Variants in SEC24D observed in about 807,000 individuals in gnomAD.
SEC24D encodes SEC24 homolog D, COPII component, also known as protein transport protein Sec24D.
SEC24D carries 69 observed loss-of-function variants against 116.9 expected under a neutral mutation model. That is an observed-to-expected ratio of 0.59 (90% CI 0.49 to 0.72). The LOEUF is 0.72. Among genes scored for constraint, SEC24D ranks in the 30% least tolerant of loss-of-function variants. The probability of loss-of-function intolerance (pLI) is 0.00; values close to 1 mark genes in which losing one functional copy is unlikely to be tolerated. For missense variants in SEC24D, 1,131 were observed against 1,264.1 expected (o/e 0.89, Z 1.60); for synonymous variants, 405 against 442.8 (o/e 0.91, Z 1.07).
intron 8 of SEC24D, among the ~76,000 whole-genome samples, chr4:118,786,983 T>C (rs1158106096): frequency 6.6e-6 from 1 of 152,236 alleles, no homozygotes; most frequent in Non-Finnish European, 1.5e-5. Flanking sequence ...GCTTGGTGCA[T>C]TTAGCTTCTA....
At chr4:118,762,481 T>C (rs1291577657) in intron 10 of SEC24D, among the ~76,000 whole-genome samples, 6 of 152,196 alleles carry the variant, frequency 3.9e-5, no homozygotes, top group Admixed American at 3.9e-4. Context: ...GCCTACAGCT[T>C]GGCACATGGT....
intron 8 of SEC24D, among the ~76,000 whole-genome samples, chr4:118,769,107 A>C (rs1021427029): frequency 6.6e-6 from 1 of 152,228 alleles, no homozygotes; most frequent in African/African-American, 2.4e-5. Flanking sequence ...AAATGCAGCT[A>C]TTTGAAGAAA....
Position 118,731,325 on chromosome 4 carries a change from G to A in SEC24D, c.2859C>T (p.Asn953=). ...TGAAAATAATACTTACCATATCTGTGTTGATATGTGCAAAAGATGGCACAT... is the reference window on the plus strand; with the variant it reads ...TGAAAATAATACTTACCATATCTGTATTGATATGTGCAAAAGATGGCACAT... ...IFNVPSFAHI[N]TDMTLLPEVG... Residue 953 remains asparagine (N), a synonymous_variant, in exon 21 of 23, where the codon AAC becomes AAT. Transcript: ENST00000280551. 6.2e-7 allele frequency: 1 copy of A among 1,609,384 alleles called. No homozygotes were observed. Among genetic ancestry groups the A allele is most frequent in the Non-Finnish European group, 8.5e-7 (1 of 1,175,750 alleles).
At chr4:118,831,014 A>T (rs12643205) in intron 2 of SEC24D, among the ~76,000 whole-genome samples, 51,127 of 151,924 alleles carry the variant, frequency 0.34, 10,067 homozygotes, top group East Asian at 0.55. Context: ...GATAAAAAGG[A>T]GGGAGAGGTT....
At chr4:118,778,163 A>C (rs555113603) in intron 8 of SEC24D, among the ~76,000 whole-genome samples, 1 of 152,242 alleles carries the variant, frequency 6.6e-6, no homozygotes, top group South Asian at 2.1e-4. Context: ...TTGGTGTTTT[A>C]GACATGAAGT....
intron 19 of SEC24D, among the ~76,000 whole-genome samples, chr4:118,737,593 G>A (rs1726025060): frequency 6.6e-6 from 1 of 152,090 alleles, no homozygotes; most frequent in Admixed American, 6.5e-5. Context: ...TCACATATTT[G>A]ATACACAGCT....
intron 14 of SEC24D, among the ~76,000 whole-genome samples, chr4:118,744,730 C>T (rs1469367820): frequency 6.6e-6 from 1 of 152,140 alleles, no homozygotes; most frequent in Non-Finnish European, 1.5e-5. Flanking sequence ...CAGCCTGGGG[C>T]CTTATTTTAA....
chr4:118,819,962 C>T (rs1268529347), intron 3 of SEC24D, among the ~76,000 whole-genome samples: 5 of 152,042 alleles, frequency 3.3e-5, no homozygotes, highest in African/African-American at 1.2e-4. Flanking sequence ...TAACATATAC[C>T]CCAGGAGTTA....
rs1429964615 is a variant in SEC24D, at chr4:118,752,840, A to G, written c.1470T>C (p.Tyr490=). 5.0e-6 allele frequency: 8 copies of G among 1,607,580 alleles called. No individual in the cohort carries two copies. Among genetic ancestry groups the G allele is most frequent in the Non-Finnish European group, 6.8e-6 (8 of 1,177,964 alleles). The change falls in exon 12 of 23, where the codon TAT becomes TAC. Residue 490 remains tyrosine (Y), a synonymous_variant. Transcript: ENST00000280551. ...TSAIRVGFIT[Y]NKVLHFFNVK... is the part of the protein sequence containing the mutation. ...CATTAAAGAAATGGAGAACTTTGTT[A>G]TATGTGATAAAACCCACTCGAATTG...
At chr4:118,780,907 C>CTTTTTTTTTTTTTTTTTTT (rs143712578) in intron 8 of SEC24D, among the ~76,000 whole-genome samples, 22 of 61,882 alleles carry the variant, frequency 3.6e-4, no homozygotes, top group African/African-American at 4.9e-4. Flanking sequence ...GCAACCCCTG[C>CTTTTTTTTTTTTTTTTTTT]TTTTTTTTTT....
intron 6 of SEC24D, among the ~76,000 whole-genome samples, chr4:118,812,218 A>C (rs961317097): frequency 6.6e-6 from 1 of 152,176 alleles, no homozygotes; most frequent in Non-Finnish European, 1.5e-5. Flanking sequence ...TGATGGGCAG[A>C]GTGGTGGCCC....
intron 19 of SEC24D, among the ~76,000 whole-genome samples, chr4:118,734,213 T>TTTTTTA (rs1158716431): frequency 6.6e-6 from 1 of 151,104 alleles, no homozygotes; most frequent in African/African-American, 2.4e-5. Context: ...GCTTTCTCTC[T>TTTTTTA]TTTTTATTTT....
rs748910852 is a variant in SEC24D at position 118,752,796 on chromosome 4, T to C, written c.1514A>G (p.Gln505Arg). The stretch of plus-strand genomic sequence containing the variant: ...ATCAGTCACCACCATCATCTGAGGC[T>C]GGGCCAGATTACTCTTCACATTAAA... ...HFFNVKSNLA[Q>R]PQMMVVTDVG... is the part of the protein sequence containing the mutation. Residue 505 changes from glutamine to arginine, a missense_variant, in exon 12 of 23, where the codon CAG (glutamine) becomes CGG (arginine). Coordinates refer to ENST00000280551, the MANE Select transcript of SEC24D (RefSeq NM_014822.4). 1.9e-6 allele frequency: 3 copies of C among 1,612,052 alleles called. No individual in the cohort carries two copies. In the Admixed American group the frequency reaches 5.0e-5, roughly 27 times the overall value.
intron 8 of SEC24D, among the ~76,000 whole-genome samples, chr4:118,791,044 T>C (rs1728872626): frequency 6.6e-6 from 1 of 152,008 alleles, no homozygotes; most frequent in Non-Finnish European, 1.5e-5. Context: ...TTTCCTTGAT[T>C]AGAGATTATA....
Position 118,744,042 on chromosome 4 carries a change from C to T in SEC24D, c.1941G>A (p.Leu647=), listed in dbSNP as rs745721990. 6.2e-7 allele frequency: 1 copy of T among 1,613,366 alleles called. No homozygotes were observed. Among genetic ancestry groups the T allele is most frequent in the Admixed American group, 1.7e-5 (1 of 59,934 alleles). Residue 647 remains leucine (L), a synonymous_variant, in exon 15 of 23, where the codon CTG becomes CTA. Coordinates refer to ENST00000280551, the MANE Select transcript of SEC24D (RefSeq NM_014822.4). The stretch of plus-strand genomic sequence containing the variant: ...CTCCAGTGAGCTGAGGAACCAGCCC[C>T]AGCGAGGCCACGTCCACATACTGAC... ...FPSQYVDVAS[L]GLVPQLTGGT...
intron 7 of SEC24D, among the ~76,000 whole-genome samples, chr4:118,801,024 G>A (rs1048188821): frequency 3.9e-5 from 6 of 152,138 alleles, no homozygotes; most frequent in African/African-American, 1.4e-4. Flanking sequence ...CACTTTGGAA[G>A]GCCGAGACGG....
At chr4:118,802,270 A>T (rs1277156942) in intron 7 of SEC24D, among the ~76,000 whole-genome samples, 1 of 152,230 alleles carries the variant, frequency 6.6e-6, no homozygotes, top group African/African-American at 2.4e-5. Context: ...AGGCAAAGGA[A>T]TAATATTTTA....
Position 118,732,866 on chromosome 4 carries a change from C to T in SEC24D, c.2543G>A (p.Cys848Tyr), listed in dbSNP as rs1337486039. ...GAGTAGTACACAGTTTTTCAACAAG[C>T]AATTCATGTACACTGGCAATACTTT... The part of the protein sequence containing the change: ...SMKVLPVYMN[C>Y]LLKNCVLLSR... Residue 848 changes from cysteine to tyrosine, a missense_variant, in exon 20 of 23, where the codon TGC becomes TAC. Physicochemically the swap from Cys to Tyr is radical, Grantham distance 194. Transcript: ENST00000280551. 1 of 1,613,888 alleles carries T rather than the reference C, an allele frequency of 6.2e-7. No individual in the cohort carries two copies. Among genetic ancestry groups the T allele is most frequent in the African/African-American group, 1.3e-5 (1 of 74,924 alleles).
At chr4:118,755,237 T>A (rs1727029072) in intron 11 of SEC24D, among the ~76,000 whole-genome samples, 1 of 152,066 alleles carries the variant, frequency 6.6e-6, no homozygotes, top group Admixed American at 6.6e-5. Flanking sequence ...CTCCTTCCTA[T>A]TAATTCTAGA....
Sources: allele counts gnomAD v4.1 joint callset (sites outside exome capture counted in the v4.1 genomes callset), GRCh38; gene constraint gnomAD v4.1.1; transcripts MANE v1.5; gene names NCBI Gene and HGNC (gene_info 2026-07-23, HGNC 2026-07-21).